Variants in WDR1 observed in about 807,000 individuals in gnomAD.
The protein encoded by WDR1 is WD repeat-containing protein 1.
A neutral mutation model predicts 71.9 loss-of-function variants in WDR1; 21 were observed. The ratio of observed to expected loss-of-function variants is 0.29; its 90% CI spans 0.21 to 0.42. The LOEUF is 0.42. Among genes scored for constraint, WDR1 ranks in the 10% least tolerant of loss-of-function variants. WDR1 has a pLI of 1.00. For missense variants in WDR1, 696 were observed against 824.5 expected (o/e 0.84, Z 1.91); for synonymous variants, 424 against 347.4 (o/e 1.22, Z -2.45).
chr4:10,103,503 C>T (rs1712830213), intron 3 of WDR1, among the ~76,000 whole-genome samples: 1 of 152,130 alleles, frequency 6.6e-6, no homozygotes, highest in African/African-American at 2.4e-5. Context: ...TGGTAGCTTA[C>T]ACCAGGGGTG....
At chr4:10,104,379 C>T (rs1712897058) in intron 2 of WDR1, among the ~76,000 whole-genome samples, 1 of 152,232 alleles carries the variant, frequency 6.6e-6, no homozygotes, top group African/African-American at 2.4e-5. Context: ...GCGCTCTGTT[C>T]TCTTCCGTGT....
chr4:10,087,915 T>A lies in WDR1; in HGVS notation c.743A>T (p.His248Leu), dbSNP rs41268387. 6.4e-7 allele frequency: 1 copy of A among 1,557,846 alleles called. No individual in the cohort carries two copies. The highest frequency in any genetic ancestry group is 8.7e-7 in the Non-Finnish European group (1 of 1,150,024). ...YAISWSPDST[H>L]LLSASGDKTS... ...TTTGTCCCCAGAAGCAGAAAGCAAA[T>A]GGGTGCTGTCGGGACTCCAACTAAT... The change falls in exon 8 of 15, where the codon CAT (histidine) becomes CTT (leucine). Residue 248 changes from histidine (H) to leucine (L), a missense_variant. Physicochemically the swap from His to Leu is moderately conservative, Grantham distance 99. Transcript: ENST00000499869.
chr4:10,098,041 G>C (rs1712459159), intron 4 of WDR1, 150 bp from the exon 5 acceptor site: 1 of 799,896 alleles, frequency 1.3e-6, no homozygotes, highest in East Asian at 2.8e-5. Flanking sequence ...GACAAATGAG[G>C]GAAGCACTGG....
intron 8 of WDR1, 50 bp downstream of exon 8, chr4:10,087,657 C>T (rs1371243409): frequency 6.6e-7 from 1 of 1,507,788 alleles, no homozygotes; most frequent in African/African-American, 1.4e-5. Flanking sequence ...CCACTCTGGT[C>T]TCTTCCCTGT....
rs374453405 is a variant in WDR1 at position 10,077,443 on chromosome 4, G to A, written c.1575C>T (p.Asn525=). 6.2e-6 allele frequency: 10 copies of A among 1,613,842 alleles called. No individual in the cohort carries two copies. Among genetic ancestry groups the A allele is most frequent in the Non-Finnish European group, 8.5e-6 (10 of 1,179,868 alleles). ...TTGCATGGTGTCCATAAAAAACATT[G>A]TTCTCCTAGTTGCAGGTTGAAAACA... is the stretch of plus-strand genomic sequence containing the variant. The part of the protein sequence containing the change: ...VFSVADGYSE[N]NVFYGHHAKI... Residue 525 remains asparagine (N), a synonymous_variant, in exon 14 of 15, where the codon AAC becomes AAT. Transcript: ENST00000499869.
At position 10,074,628 on chromosome 4, in the gene WDR1, A is replaced by G. The variant is rs931593822; in HGVS notation, c.*750T>C. ...GGGAAAGACAGGGGAACATCAAAGC[A>G]TGATGGTGAAACGGTGACCAGGACA... is the stretch of plus-strand genomic sequence containing the variant. On this transcript the variant is annotated 3_prime_UTR_variant, in exon 15 of 15. Transcript: ENST00000499869. 1 of 152,686 alleles carries G rather than the reference A, an allele frequency of 6.5e-6. No individual in the cohort carries two copies. Among genetic ancestry groups the G allele is most frequent in the African/African-American group, 2.4e-5 (1 of 41,468 alleles). The allele number at this position is 152,686 out of a possible 1,614,324, so 9.5% of individuals were successfully genotyped here.
chr4:10,077,559 G>A (rs1020351592), intron 13 of WDR1, 111 bp from the exon 14 acceptor site: 16 of 1,539,706 alleles, frequency 1.0e-5, no homozygotes, highest in African/African-American at 1.4e-5. Context: ...TTTCTCACGC[G>A]CTAACTCTAT....
chr4:10,093,607 G>A (rs1353824056), intron 5 of WDR1, among the ~76,000 whole-genome samples: 2 of 152,234 alleles, frequency 1.3e-5, no homozygotes, highest in South Asian at 2.1e-4. Context: ...ACCATATGAA[G>A]GGACAAGAGG....
intron 5 of WDR1, chr4:10,092,002 T>C (rs1185491465): frequency 2.0e-5 from 3 of 152,312 alleles, no homozygotes; most frequent in Admixed American, 2.0e-4. Flanking sequence ...ACCTTGACCA[T>C]GACATAACCA....
At chr4:10,080,381 G>A (rs934158859) in intron 11 of WDR1, among the ~76,000 whole-genome samples, 4 of 152,170 alleles carry the variant, frequency 2.6e-5, no homozygotes, top group African/African-American at 9.7e-5. Context: ...CTAGAACTCC[G>A]CTTTGTAGCG....
At chr4:10,079,974 C>G (rs1374026888) in intron 11 of WDR1, among the ~76,000 whole-genome samples, 1 of 148,408 alleles carries the variant, frequency 6.7e-6, no homozygotes, top group Non-Finnish European at 1.5e-5. Context: ...TAGCACCCTC[C>G]TAACTCTTTG....
chr4:10,084,683 G>A lies in WDR1; in HGVS notation c.952-153C>T, dbSNP rs1765143560. On this transcript the variant is annotated intron_variant, in intron 8 of 14. Coordinates refer to ENST00000499869, the MANE Select transcript of WDR1 (RefSeq NM_017491.5). Reference sequence around the variant, plus strand: ...GTGCTCTGAGGCCCCAGTAGCCCCAGCTGCCCGAATGCACGGCCCACGAGC... The same window carrying A: ...GTGCTCTGAGGCCCCAGTAGCCCCAACTGCCCGAATGCACGGCCCACGAGC... Among the ~76,000 whole-genome samples, 4 of 152,140 alleles carry A rather than the reference G, an allele frequency of 2.6e-5. No homozygotes were observed. In the South Asian group the frequency reaches 8.3e-4, roughly 31 times the overall value.
intron 10 of WDR1, among the ~76,000 whole-genome samples, chr4:10,082,094 G>A (rs1030623288): frequency 3.3e-5 from 5 of 152,204 alleles, no homozygotes; most frequent in African/African-American, 9.6e-5. Context: ...TTTATGGGAC[G>A]TGTTAAGAGT....
chr4:10,112,006 C>T (rs1034295305), intron 2 of WDR1, among the ~76,000 whole-genome samples: 23 of 151,904 alleles, frequency 1.5e-4, no homozygotes, highest in African/African-American at 5.3e-4. Flanking sequence ...CATAGCAAAT[C>T]TGCTGGCTGC....
At chr4:10,084,714 G>C (rs965416345) in intron 8 of WDR1, among the ~76,000 whole-genome samples, 184 bp from the exon 9 acceptor site, 11 of 152,180 alleles carry the variant, frequency 7.2e-5, no homozygotes, top group Admixed American at 2.0e-4. Context: ...CGAGCCCTAA[G>C]AAACCTTTCC....
chr4:10,107,439 A>T (rs1270416613), intron 2 of WDR1, among the ~76,000 whole-genome samples: 1 of 152,088 alleles, frequency 6.6e-6, no homozygotes, highest in African/African-American at 2.4e-5. Context: ...GACCCTGATT[A>T]CCTCACGGTC....
chr4:10,096,850 T>C (rs1712378032), intron 5 of WDR1, among the ~76,000 whole-genome samples: 1 of 152,150 alleles, frequency 6.6e-6, no homozygotes, highest in Admixed American at 6.5e-5. Context: ...TCCAAGGACA[T>C]CAACAGTCCC....
chr4:10,103,623 T>C (rs1448987562), intron 3 of WDR1, among the ~76,000 whole-genome samples: 58 of 152,248 alleles, frequency 3.8e-4, no homozygotes, highest in Non-Finnish European at 8.8e-5. Flanking sequence ...TTTTAAAAAG[T>C]GTACCAATTT....
chr4:10,084,522 A>C lies in WDR1; in HGVS notation c.960T>G (p.Ser320Arg), dbSNP rs1472084244. Residue 320 changes from serine to arginine, a missense_variant, in exon 9 of 15, where the codon AGT (serine) becomes AGG (arginine). Transcript: ENST00000499869. Reference protein sequence around the residue: ...SKPLHVIKGHSKSIQCLTVHK... With the variant: ...SKPLHVIKGHRKSIQCLTVHK... The stretch of plus-strand genomic sequence containing the variant: ...GCACCGTCAGACACTGGATCGATTT[A>C]CTGTGACCCTGTGAAGGAGACACAC... The C allele has an allele frequency of 6.2e-7, 1 of 1,613,784 alleles. No homozygotes were observed.
Sources: allele counts gnomAD v4.1 joint callset (sites outside exome capture counted in the v4.1 genomes callset), GRCh38; gene constraint gnomAD v4.1.1; transcripts MANE v1.5; gene names NCBI Gene and HGNC (gene_info 2026-07-23, HGNC 2026-07-21).